The following KCNK10 variants were observed in gnomAD, a reference collection of about 807,000 sequenced individuals.
KCNK10 encodes the protein potassium channel subfamily K member 10.
A neutral mutation model predicts 47.7 loss-of-function variants in KCNK10; 25 were observed. The ratio of observed to expected loss-of-function variants is 0.52; its 90% CI spans 0.38 to 0.73. The LOEUF (loss-of-function observed/expected upper bound fraction) is 0.73, where lower values mean the gene tolerates loss of function less well. Ranked by LOEUF, KCNK10 falls within the 30% of genes least tolerant of loss-of-function variation. KCNK10 has a pLI of 0.00. For synonymous variants in KCNK10, 303 were observed against 285.6 expected (o/e 1.06, Z -0.61); for missense variants, 563 against 714.5 (o/e 0.79, Z 2.42).
chr14:88,287,049 C>T (rs1159645562), intron 1 of KCNK10, among the ~76,000 whole-genome samples: 8 of 152,156 alleles, frequency 5.3e-5, no homozygotes, highest in Non-Finnish European at 1.2e-4. Context: ...GTAAAAATAA[C>T]TTTACAAGCA....
chr14:88,192,446 C>T (rs374129269), intron 4 of KCNK10, 36 bp from the exon 5 acceptor site: 6 of 1,567,022 alleles, frequency 3.8e-6, no homozygotes, highest in African/African-American at 2.7e-5. Context: ...GGCAAGTCAG[C>T]GGCATCACCC....
upstream of KCNK10, chr14:88,326,541 G>A: frequency 1.0e-6 from 1 of 991,768 alleles, no homozygotes; most frequent in Non-Finnish European, 1.6e-6. Context: ...GGTTAAGTCT[G>A]GTGGAAAGAG....
chr14:88,232,706 T>C (rs909655618), intron 3 of KCNK10, among the ~76,000 whole-genome samples: 6 of 152,208 alleles, frequency 3.9e-5, no homozygotes, highest in African/African-American at 1.4e-4. Context: ...ACAAGGACCC[T>C]ATCTCTAGTG....
chr14:88,263,721 C>T (rs1887181068), intron 1 of KCNK10, among the ~76,000 whole-genome samples, 170 bp from the exon 2 acceptor site: 1 of 151,926 alleles, frequency 6.6e-6, no homozygotes, highest in South Asian at 2.1e-4. Context: ...TGCTAGGTAC[C>T]CATTTGAGTT....
At chr14:88,258,856 T>G (rs1887033336) in intron 2 of KCNK10, among the ~76,000 whole-genome samples, 1 of 152,188 alleles carries the variant, frequency 6.6e-6, no homozygotes, top group South Asian at 2.1e-4. Flanking sequence ...GAGCTACGGC[T>G]CTTCTAGGCT....
At chr14:88,202,515 T>C (rs1023025445) in intron 4 of KCNK10, among the ~76,000 whole-genome samples, 11 of 152,110 alleles carry the variant, frequency 7.2e-5, no homozygotes, top group Non-Finnish European at 1.5e-4. Flanking sequence ...ACCACACCCA[T>C]GCAGATGTAA....
At chr14:88,300,690 T>C (rs1326743873) in intron 1 of KCNK10, among the ~76,000 whole-genome samples, 2 of 152,182 alleles carry the variant, frequency 1.3e-5, no homozygotes, top group African/African-American at 2.4e-5. Context: ...TGGCTCATCA[T>C]AAGAATGCAT....
At chr14:88,305,071 T>A (rs1199276482) in intron 1 of KCNK10, among the ~76,000 whole-genome samples, 2 of 152,066 alleles carry the variant, frequency 1.3e-5, no homozygotes, top group Non-Finnish European at 2.9e-5. Flanking sequence ...TGGTGGTGCA[T>A]GCCTGTAGTC....
In KCNK10 at chr14:88,263,508, G is replaced by A. The variant is rs961801249; in HGVS notation, c.96C>T (p.Ala32=). Residue 32 remains alanine (A), a synonymous_variant, in exon 2 of 7, where the codon GCC becomes GCT. Coordinates refer to ENST00000319231, the MANE Select transcript of KCNK10 (RefSeq NM_138317.3). ...CCGGAGCCGGGGGTTGCCCGTTAGTGGCGCTCTTGGGCTGGCACACCGGTG... is the reference window on the plus strand; with the variant it reads ...CCGGAGCCGGGGGTTGCCCGTTAGTAGCGCTCTTGGGCTGGCACACCGGTG... ...AAAPVCQPKS[A]TNGQPPAPAP... 5.0e-6 allele frequency: 8 copies of A among 1,613,050 alleles called. No homozygotes were observed. The highest frequency in any genetic ancestry group is 5.9e-6 in the Non-Finnish European group (7 of 1,180,002).
At chr14:88,227,096 C>T (rs183449156) in intron 4 of KCNK10, among the ~76,000 whole-genome samples, 1 of 152,322 alleles carries the variant, frequency 6.6e-6, no homozygotes, top group African/African-American at 2.4e-5. Context: ...AGAAACTGAA[C>T]TTGTCTCACC....
At chr14:88,272,416 T>G (rs1470727586) in intron 1 of KCNK10, among the ~76,000 whole-genome samples, 1 of 148,870 alleles carries the variant, frequency 6.7e-6, no homozygotes, top group African/African-American at 2.5e-5. Flanking sequence ...TGCCCACTGG[T>G]GTGGAAAGGG....
chr14:88,219,028 A>G (rs1409275205), intron 4 of KCNK10, among the ~76,000 whole-genome samples: 1 of 152,194 alleles, frequency 6.6e-6, no homozygotes, highest in Admixed American at 6.5e-5. Context: ...TTAAGGCAGG[A>G]TTAGTGGTTC....
At chr14:88,281,223 A>G (rs556044557) in intron 1 of KCNK10, among the ~76,000 whole-genome samples, 78 of 152,192 alleles carry the variant, frequency 5.1e-4, no homozygotes, top group African/African-American at 1.8e-3. Context: ...GCTCCTTCCC[A>G]TTCTTTGGGT....
At chr14:88,240,344 T>A (rs1246604399) in intron 3 of KCNK10, among the ~76,000 whole-genome samples, 1 of 152,244 alleles carries the variant, frequency 6.6e-6, no homozygotes, top group Non-Finnish European at 1.5e-5. Flanking sequence ...TACTGTTTTT[T>A]ATAAAAAATT....
At chr14:88,207,446 T>C (rs892724713) in intron 4 of KCNK10, among the ~76,000 whole-genome samples, 4 of 152,142 alleles carry the variant, frequency 2.6e-5, no homozygotes, top group African/African-American at 9.7e-5. Flanking sequence ...AGTGCTGGGA[T>C]TACAGGCGCG....
intron 2 of KCNK10, among the ~76,000 whole-genome samples, chr14:88,250,497 C>A (rs764830057): frequency 1.3e-5 from 2 of 152,144 alleles, no homozygotes; most frequent in Admixed American, 6.5e-5. Flanking sequence ...ACCTAAACTT[C>A]CTGGACTAAA....
chr14:88,185,576 G>A lies in KCNK10; in HGVS notation c.1591C>T (p.Arg531Trp), dbSNP rs756065588. 53 of 1,613,738 alleles carry A rather than the reference G, an allele frequency of 3.3e-5. No individual in the cohort carries two copies. The Middle Eastern group carries it at 9.9e-4, about 30-fold the overall frequency. ...NGMIPTDTKD[R>W]EPENNSLLED... ...AGTAATGAGTTGTTCTCCGGCTCCC[G>A]GTCTTTGGTGTCCGTGGGTATCATT... The change falls in exon 7 of 7, where the codon CGG becomes TGG. Residue 531 changes from arginine to tryptophan, a missense_variant. Physicochemically the swap from Arg to Trp is moderately radical, Grantham distance 101. Transcript: ENST00000319231. The surrounding 1 kb of genome is among the most constrained non-coding windows in gnomAD (Gnocchi z 4.3).
intron 2 of KCNK10, among the ~76,000 whole-genome samples, chr14:88,257,523 A>G (rs1017987278): frequency 5.3e-5 from 8 of 152,234 alleles, no homozygotes; most frequent in Admixed American, 6.5e-5. Flanking sequence ...GGCCTACCCA[A>G]TGAATCCCTC....
At chr14:88,189,083 A>G (rs1335325609) in intron 5 of KCNK10, among the ~76,000 whole-genome samples, 1 of 152,202 alleles carries the variant, frequency 6.6e-6, no homozygotes, top group Non-Finnish European at 1.5e-5. Context: ...TAACTATCGT[A>G]TTAGGTGATG....
Sources: allele counts gnomAD v4.1 joint callset (sites outside exome capture counted in the v4.1 genomes callset), GRCh38; gene constraint gnomAD v4.1.1; non-coding constraint Gnocchi (gnomAD v3.1); transcripts MANE v1.5; gene names NCBI Gene and HGNC (gene_info 2026-07-23, HGNC 2026-07-21).